Variants in SPIRE1 observed in about 807,000 individuals in gnomAD.
The protein encoded by SPIRE1 is protein spire homolog 1.
A neutral mutation model predicts 94.1 loss-of-function variants in SPIRE1; 40 were observed. The ratio of observed to expected loss-of-function variants is 0.43; its 90% CI spans 0.33 to 0.55. SPIRE1 has a LOEUF of 0.55. Among genes scored for constraint, SPIRE1 ranks in the 20% least tolerant of loss-of-function variants. The pLI is 0.06. For missense variants in SPIRE1, 838 were observed against 975.2 expected, an observed-to-expected ratio of 0.86 and a Z score of 1.87; for synonymous variants, 376 against 371.7, an observed-to-expected ratio of 1.01 and a Z score of -0.13.
At chr18:12,651,496 G>A (rs1016469509) in intron 1 of SPIRE1, among the ~76,000 whole-genome samples, 2 of 152,030 alleles carry the variant, frequency 1.3e-5, no homozygotes, top group Non-Finnish European at 2.9e-5. Context: ...ACAACATGGT[G>A]AAACCCGTGT....
At chr18:12,590,718 C>A (rs558171380) in intron 2 of SPIRE1, among the ~76,000 whole-genome samples, 20 of 152,176 alleles carry the variant, frequency 1.3e-4, no homozygotes, top group Middle Eastern at 3.4e-3. Flanking sequence ...GGCATGAAGA[C>A]CCCCAGGAAG....
chr18:12,655,886 C>T (rs2038525355), intron 1 of SPIRE1, among the ~76,000 whole-genome samples: 2 of 152,090 alleles, frequency 1.3e-5, no homozygotes, highest in South Asian at 4.1e-4. Context: ...ATAGCTAAAT[C>T]CCAAGGCACG....
At chr18:12,492,755 G>A (rs1351068143) in intron 8 of SPIRE1, among the ~76,000 whole-genome samples, 2 of 152,130 alleles carry the variant, frequency 1.3e-5, no homozygotes, top group African/African-American at 4.8e-5. Flanking sequence ...TGCTCAGAGA[G>A]GTAAAGAGAC....
intron 2 of SPIRE1, among the ~76,000 whole-genome samples, chr18:12,563,008 A>G (rs2035729932): frequency 1.3e-5 from 2 of 152,202 alleles, no homozygotes; most frequent in Non-Finnish European, 2.9e-5. Flanking sequence ...CAATCACTGT[A>G]ATTTAACATG....
intron 2 of SPIRE1, among the ~76,000 whole-genome samples, chr18:12,607,932 A>C (rs1019706234): frequency 1.3e-5 from 2 of 152,054 alleles, no homozygotes; most frequent in African/African-American, 4.8e-5. Context: ...TGAGGCGGGC[A>C]GATCACAAGG....
At chr18:12,563,296 A>C (rs917767807) in intron 2 of SPIRE1, among the ~76,000 whole-genome samples, 13 of 152,076 alleles carry the variant, frequency 8.5e-5, no homozygotes, top group South Asian at 2.1e-4. Flanking sequence ...AAATAATACA[A>C]ATTTCATACA....
At chr18:12,543,570 T>C (rs1181279032) in intron 3 of SPIRE1, among the ~76,000 whole-genome samples, 7 of 152,072 alleles carry the variant, frequency 4.6e-5, no homozygotes, top group Admixed American at 3.9e-4. Flanking sequence ...CTCACAGTGT[T>C]ACCCTAAGGC....
intron 2 of SPIRE1, among the ~76,000 whole-genome samples, chr18:12,630,884 G>A (rs529217662): frequency 6.6e-6 from 1 of 152,154 alleles, no homozygotes; most frequent in Non-Finnish European, 1.5e-5. Flanking sequence ...CAGAGGGAAT[G>A]GCAGAAATAG....
At chr18:12,608,726 G>T (rs192423183) in intron 2 of SPIRE1, among the ~76,000 whole-genome samples, 22 of 152,232 alleles carry the variant, frequency 1.4e-4, no homozygotes, top group African/African-American at 5.1e-4. Flanking sequence ...TAAGGTGATG[G>T]CAATAATAAT....
intron 2 of SPIRE1, among the ~76,000 whole-genome samples, chr18:12,619,802 C>T (rs1284288332): frequency 1.2e-4 from 17 of 139,540 alleles, no homozygotes; most frequent in African/African-American, 3.7e-4. Flanking sequence ...GCCAAGATCG[C>T]GGCACTGCAC....
At chr18:12,633,805 C>T (rs1056291174) in intron 2 of SPIRE1, among the ~76,000 whole-genome samples, 5 of 152,074 alleles carry the variant, frequency 3.3e-5, no homozygotes, top group South Asian at 4.1e-4. Flanking sequence ...CCCAACACCC[C>T]CAATCTAAGG....
intron 2 of SPIRE1, among the ~76,000 whole-genome samples, chr18:12,563,241 G>T (rs2035737302): frequency 6.6e-6 from 1 of 151,274 alleles, no homozygotes. Context: ...GGTATATGGT[G>T]TTGATCTATA....
At chr18:12,524,213 T>C (rs2034439316) in intron 4 of SPIRE1, among the ~76,000 whole-genome samples, 1 of 152,244 alleles carries the variant, frequency 6.6e-6, no homozygotes, top group Non-Finnish European at 1.5e-5. Context: ...GCCATGCTTA[T>C]ATCCAATTCA....
intron 2 of SPIRE1, among the ~76,000 whole-genome samples, chr18:12,601,746 G>A (rs1371204561): frequency 6.6e-6 from 1 of 152,038 alleles, no homozygotes; most frequent in Non-Finnish European, 1.5e-5. Flanking sequence ...TTTGTCTCTG[G>A]ATTTTTTCAC....
At chr18:12,506,057 G>T (rs975159026) in intron 6 of SPIRE1, among the ~76,000 whole-genome samples, 1 of 152,106 alleles carries the variant, frequency 6.6e-6, no homozygotes, top group Non-Finnish European at 1.5e-5. Flanking sequence ...CAATGATCAA[G>T]TATTACTTGT....
chr18:12,616,208 A>G (rs749116280), intron 2 of SPIRE1, among the ~76,000 whole-genome samples: 16 of 152,166 alleles, frequency 1.1e-4, no homozygotes, highest in Non-Finnish European at 1.6e-4. Context: ...GCCTCTTCCA[A>G]AGATATCTGG....
chr18:12,551,360 A>G (rs747146217), intron 2 of SPIRE1, among the ~76,000 whole-genome samples: 1 of 152,218 alleles, frequency 6.6e-6, no homozygotes, highest in Non-Finnish European at 1.5e-5. Flanking sequence ...ATAAAATAAA[A>G]TATTTAGTAG....
chr18:12,578,646 T>G (rs2036173773), intron 2 of SPIRE1, among the ~76,000 whole-genome samples: 1 of 152,232 alleles, frequency 6.6e-6, no homozygotes, highest in Non-Finnish European at 1.5e-5. Flanking sequence ...GTATTTCCAC[T>G]GTGAACAGAC....
Position 12,657,728 on chromosome 18 carries a change from G to C in SPIRE1, c.139C>G (p.Arg47Gly). Residue 47 changes from arginine to glycine, a missense_variant, in exon 1 of 17, where the codon CGG becomes GGG. Arg to Gly is a moderately radical substitution (Grantham distance 125, BLOSUM62 -2). Coordinates refer to ENST00000409402, the MANE Select transcript of SPIRE1 (RefSeq NM_001128626.2). ...TCGTTGATGGGCTGGTTGTACAGCCGCAGGATCTCCTCCAGGCTCAGCGCG... is the reference window on the plus strand; with the variant it reads ...TCGTTGATGGGCTGGTTGTACAGCCCCAGGATCTCCTCCAGGCTCAGCGCG... ...RDALSLEEIL[R>G]LYNQPINEEQ... 2.1e-6 allele frequency: 3 copies of C among 1,403,132 alleles called. No individual in the cohort carries two copies. The highest frequency in any genetic ancestry group is 2.8e-6 in the Non-Finnish European group (3 of 1,070,484). The allele number at this position is 1,403,132 out of a possible 1,614,324, so 86.9% of individuals were successfully genotyped here. A position where few individuals can be genotyped will look rare whatever the true frequency, so the allele number is the denominator to read the frequency against.
Sources: gnomAD v4.1 joint callset for allele counts (sites outside exome capture counted in the v4.1 genomes callset) on GRCh38, gnomAD v4.1.1 for gene constraint, MANE v1.5 for transcripts, NCBI Gene and HGNC (gene_info 2026-07-23, HGNC 2026-07-21) for gene names.